The following LTBP1 variants were observed in gnomAD, a reference collection of about 807,000 sequenced individuals.
LTBP1 encodes the protein latent transforming growth factor beta binding protein 1.
In LTBP1, 129 loss-of-function variants were observed where a neutral mutation model predicts 207.6. The observed-to-expected ratio is 0.62, with a 90% CI of 0.54 to 0.72. LTBP1 has a LOEUF of 0.72. Ranked by LOEUF, LTBP1 falls within the 30% of genes least tolerant of loss-of-function variation. The pLI, the probability that LTBP1 is intolerant of heterozygous loss-of-function variation, is 0.00. For synonymous variants in LTBP1, 963 were observed against 833.7 expected (o/e 1.16, Z -2.67); for missense variants, 2,281 against 2,217.2 (o/e 1.03, Z -0.58).
At chr2:33,117,710 G>C (rs1183711299) in intron 4 of LTBP1, among the ~76,000 whole-genome samples, 2 of 152,162 alleles carry the variant, frequency 1.3e-5, no homozygotes, top group African/African-American at 2.4e-5. Flanking sequence ...AGGTGTCCCT[G>C]GCGTAGTTGA....
At chr2:33,184,314 C>G (rs1221171119) in intron 5 of LTBP1, among the ~76,000 whole-genome samples, 1 of 152,122 alleles carries the variant, frequency 6.6e-6, no homozygotes, top group Non-Finnish European at 1.5e-5. Flanking sequence ...CCTTATCAAG[C>G]CTGTAATAAC....
At chr2:33,199,945 A>G (rs533330984) in intron 7 of LTBP1, among the ~76,000 whole-genome samples, 4 of 152,306 alleles carry the variant, frequency 2.6e-5, no homozygotes, top group African/African-American at 9.6e-5. Flanking sequence ...TTCAAGGAGA[A>G]CTACAAACCA....
intron 26 of LTBP1, among the ~76,000 whole-genome samples, chr2:33,352,302 T>G (rs2094792802): frequency 6.6e-6 from 1 of 152,000 alleles, no homozygotes; most frequent in Admixed American, 6.6e-5. Context: ...CGGCTAATTT[T>G]TGTATTTTTA....
intron 20 of LTBP1, among the ~76,000 whole-genome samples, chr2:33,299,220 G>A (rs1290723493): frequency 6.7e-6 from 1 of 148,926 alleles, no homozygotes; most frequent in Admixed American, 6.7e-5. Flanking sequence ...CCAGCTTGGC[G>A]ACAGAGCGAG....
chr2:33,042,044 G>C (rs1168187064), intron 3 of LTBP1, among the ~76,000 whole-genome samples: 1 of 152,136 alleles, frequency 6.6e-6, no homozygotes, highest in East Asian at 1.9e-4. Flanking sequence ...CATTCTAATA[G>C]GTGTATAGTC....
intron 2 of LTBP1, among the ~76,000 whole-genome samples, chr2:32,951,531 T>TGGCTGA (rs1677106946): frequency 6.6e-6 from 1 of 152,080 alleles, no homozygotes; most frequent in Non-Finnish European, 1.5e-5. Flanking sequence ...GGCTGAGTAG[T>TGGCTGA]GTGATGCCAG....
At chr2:33,257,143 C>A (rs1469513917) in intron 11 of LTBP1, 141 bp from the exon 12 acceptor site, 1 of 651,182 alleles carries the variant, frequency 1.5e-6, no homozygotes, top group Non-Finnish European at 2.6e-6. Flanking sequence ...AATTTGCTTA[C>A]ATTTTGCACC....
rs1266019339 is a variant in LTBP1 at position 33,217,564 on chromosome 2, C to T, written c.1714C>T (p.Leu572Phe). The change falls in exon 8 of 34, where the codon CTC becomes TTC. Residue 572 changes from leucine to phenylalanine, a missense_variant. Physicochemically the swap from Leu to Phe is conservative, Grantham distance 22. Around this residue, in one of 3 missense-constraint regions of LTBP1, gnomAD observed 1,671 missense variants for 1,634.8 expected, o/e 1.02. Transcript: ENST00000404816. ...CTAATCATTGCAGTGTGGCAAAGCG[C>T]TCCCTGGCCTTTCAAAGCAAGAGGA... ...ETIGSQCGKALPGLSKQEDCC... is the reference protein window; with the variant it reads ...ETIGSQCGKAFPGLSKQEDCC... The T allele has an allele frequency of 1.2e-6, 2 of 1,613,586 alleles. No individual in the cohort carries two copies. The highest frequency in any genetic ancestry group is 2.2e-5 in the East Asian group (1 of 44,890).
At chr2:33,050,513 C>T (rs2076681871) in intron 3 of LTBP1, among the ~76,000 whole-genome samples, 1 of 151,914 alleles carries the variant, frequency 6.6e-6, no homozygotes, top group Non-Finnish European at 1.5e-5. Context: ...AATTAATGAA[C>T]TATTATGGAG....
chr2:32,988,369 A>G (rs1348571195), intron 2 of LTBP1, among the ~76,000 whole-genome samples: 1 of 152,116 alleles, frequency 6.6e-6, no homozygotes, highest in Non-Finnish European at 1.5e-5. Context: ...AACTCTGGGG[A>G]GTCAGGTGAG....
intron 2 of LTBP1, among the ~76,000 whole-genome samples, chr2:33,017,986 C>T (rs925619927): frequency 6.6e-6 from 1 of 152,122 alleles, no homozygotes; most frequent in Non-Finnish European, 1.5e-5. Context: ...CTCTAGGGGG[C>T]ACCTGTCTGA....
At chr2:33,367,352 T>G (rs1344197498) in intron 31 of LTBP1, among the ~76,000 whole-genome samples, 1 of 152,186 alleles carries the variant, frequency 6.6e-6, no homozygotes, top group Non-Finnish European at 1.5e-5. Flanking sequence ...GAACTTAAAA[T>G]TTTTTTATAT....
intron 27 of LTBP1, 32 bp from the exon 28 acceptor site, chr2:33,361,397 C>CTTTTT: frequency 9.8e-6 from 10 of 1,024,622 alleles, no homozygotes; most frequent in South Asian, 3.4e-5. Flanking sequence ...GATGTTGAAT[C>CTTTTT]TTTTTTTTTT....
At chr2:33,361,670 G>T (rs2094928814) in intron 28 of LTBP1, among the ~76,000 whole-genome samples, 155 bp downstream of exon 28, 3 of 152,156 alleles carry the variant, frequency 2.0e-5, no homozygotes, top group Admixed American at 2.0e-4. Flanking sequence ...AAGTCCCCAT[G>T]GACTTGCAGT....
intron 2 of LTBP1, among the ~76,000 whole-genome samples, chr2:33,012,004 G>A (rs1225049883): frequency 6.6e-6 from 1 of 151,956 alleles, no homozygotes; most frequent in East Asian, 1.9e-4. Flanking sequence ...GACCCCCACT[G>A]TGATCACCCC....
At chr2:33,129,955 G>T (rs1203374355) in intron 4 of LTBP1, among the ~76,000 whole-genome samples, 1 of 152,150 alleles carries the variant, frequency 6.6e-6, no homozygotes, top group Non-Finnish European at 1.5e-5. Context: ...GGGCTGCCTG[G>T]TGAAGTAATA....
chr2:33,292,358 TAC>T (rs1342211788), intron 19 of LTBP1, among the ~76,000 whole-genome samples: 1 of 152,250 alleles, frequency 6.6e-6, no homozygotes, highest in Non-Finnish European at 1.5e-5. Flanking sequence ...GACAGAAACT[TAC>T]AGTCAGGTTA....
intron 9 of LTBP1, among the ~76,000 whole-genome samples, chr2:33,226,709 C>G (rs778480427): frequency 6.6e-6 from 1 of 152,166 alleles, no homozygotes; most frequent in Non-Finnish European, 1.5e-5. Context: ...GGGTCACTGT[C>G]GTGGCATTTG....
intron 22 of LTBP1, among the ~76,000 whole-genome samples, chr2:33,304,651 A>T (rs933534664): frequency 6.6e-5 from 10 of 152,026 alleles, no homozygotes; most frequent in Admixed American, 2.0e-4. Flanking sequence ...TCTGCCTGTG[A>T]CTTGTTCCCT....
Sources: allele counts gnomAD v4.1 joint callset (sites outside exome capture counted in the v4.1 genomes callset), GRCh38; gene constraint gnomAD v4.1.1; regional missense constraint gnomAD v4.1.1; transcripts MANE v1.5; gene names NCBI Gene and HGNC (gene_info 2026-07-23, HGNC 2026-07-21).